SLC71A2: variants seen among roughly 807,000 people sequenced by gnomAD.
The protein encoded by SLC71A2 is hippocampus abundant transcript-like 1.
At chr9:94,432,837 C>A in the SLC71A2 span, 1 of 407,716 alleles carries the variant, frequency 2.5e-6, no homozygotes, top group South Asian at 2.2e-5. Flanking sequence ...GGCCAGAGGT[C>A]TTATAACTCC....
chr9:94,431,382 C>G, the SLC71A2 span, among the ~76,000 whole-genome samples: 2 of 151,160 alleles, frequency 1.3e-5, no homozygotes, highest in East Asian at 3.9e-4. Context: ...ATTTTCATAG[C>G]TCTTAAAAAA....
the SLC71A2 span, among the ~76,000 whole-genome samples, chr9:94,397,711 CTCA>C: frequency 6.6e-6 from 1 of 152,132 alleles, no homozygotes. Flanking sequence ...TTGAGGAGGA[CTCA>C]TCAAGTGTTT....
At chr9:94,415,081 A>ATTTTT in the SLC71A2 span, 2 of 1,124,592 alleles carry the variant, frequency 1.8e-6, no homozygotes, top group African/African-American at 3.2e-5. Flanking sequence ...ATTTTTACAC[A>ATTTTT]TTTTTTTCTA....
At chr9:94,387,311 A>G in the SLC71A2 span, among the ~76,000 whole-genome samples, 3 of 152,132 alleles carry the variant, frequency 2.0e-5, no homozygotes, top group South Asian at 6.2e-4. Flanking sequence ...AATATTGTTT[A>G]TATACAGTAT....
the SLC71A2 span, among the ~76,000 whole-genome samples, chr9:94,397,690 C>A: frequency 1.4e-4 from 22 of 152,212 alleles, no homozygotes; most frequent in African/African-American, 4.6e-4. Context: ...TTTCTGATGT[C>A]CTGGACAGTG....
the SLC71A2 span, among the ~76,000 whole-genome samples, chr9:94,404,565 G>A: frequency 5.4e-4 from 82 of 152,210 alleles, 2 homozygotes; most frequent in South Asian, 0.017. Context: ...CAAAGTGCTG[G>A]GATTACATAC....
At chr9:94,453,052 T>A in the SLC71A2 span, among the ~76,000 whole-genome samples, 10,424 of 152,206 alleles carry the variant, frequency 0.068, 455 homozygotes, top group Non-Finnish European at 0.1. Flanking sequence ...CGTTTATATT[T>A]TTGTTTTTGT....
chr9:94,449,836 T>C, the SLC71A2 span, among the ~76,000 whole-genome samples: 1 of 152,228 alleles, frequency 6.6e-6, no homozygotes, highest in Non-Finnish European at 1.5e-5. Context: ...AGCTAATGAA[T>C]GGATTAACAA....
chr9:94,450,538 G>A, the SLC71A2 span, among the ~76,000 whole-genome samples: 104 of 112,620 alleles, frequency 9.2e-4, 1 homozygote, highest in African/African-American at 3.4e-3. Context: ...CGCCCAGGCT[G>A]GAATACAGTG....
chr9:94,396,286 C>T, the SLC71A2 span, among the ~76,000 whole-genome samples: 719 of 151,674 alleles, frequency 4.7e-3, 5 homozygotes, highest in African/African-American at 0.017. Flanking sequence ...GAGGCCGAGG[C>T]AGACGGATTG....
chr9:94,444,794 T>C, the SLC71A2 span, among the ~76,000 whole-genome samples: 2 of 152,252 alleles, frequency 1.3e-5, no homozygotes, highest in Admixed American at 1.3e-4. Flanking sequence ...ACATTTCTTT[T>C]GTCTTACTTA....
the SLC71A2 span, among the ~76,000 whole-genome samples, chr9:94,438,124 G>A: frequency 6.6e-6 from 1 of 151,924 alleles, no homozygotes. Flanking sequence ...TTTTAGTAGA[G>A]ACGAGGTTTC....
chr9:94,381,761 A>AGCCT, the SLC71A2 span, among the ~76,000 whole-genome samples: 3 of 152,220 alleles, frequency 2.0e-5, no homozygotes, highest in African/African-American at 7.2e-5. Context: ...GCCTGAGCCC[A>AGCCT]GGGATTTGAG....
chr9:94,386,058 G>A, the SLC71A2 span, among the ~76,000 whole-genome samples: 1 of 151,962 alleles, frequency 6.6e-6, no homozygotes, highest in Non-Finnish European at 1.5e-5. Context: ...ACATTGAATA[G>A]TATTGATAGC....
the SLC71A2 span, among the ~76,000 whole-genome samples, chr9:94,452,649 A>C: frequency 1.6e-5 from 1 of 64,092 alleles, no homozygotes; most frequent in Non-Finnish European, 3.1e-5. Context: ...ATATATATTC[A>C]TATATATTCA....
the SLC71A2 span, among the ~76,000 whole-genome samples, chr9:94,394,390 G>T: frequency 1.1e-5 from 1 of 92,884 alleles, no homozygotes; most frequent in African/African-American, 2.9e-5. Flanking sequence ...CATTTGTTTG[G>T]TTTTTAAAAT....
the SLC71A2 span, chr9:94,440,913 G>T: frequency 2.4e-6 from 2 of 843,212 alleles, no homozygotes; most frequent in Non-Finnish European, 3.9e-6. Flanking sequence ...TTTACATGAT[G>T]TCTTTGGCTC....
At chr9:94,413,098 T>C in the SLC71A2 span, among the ~76,000 whole-genome samples, 1 of 151,518 alleles carries the variant, frequency 6.6e-6, no homozygotes, top group African/African-American at 2.4e-5. Flanking sequence ...TGGTGAAGAG[T>C]ATACTAGTAT....
chr9:94,450,247 C>A, the SLC71A2 span, among the ~76,000 whole-genome samples: 1 of 152,066 alleles, frequency 6.6e-6, no homozygotes, highest in Non-Finnish European at 1.5e-5. Flanking sequence ...TATATATTTA[C>A]AAATAAAGGC....
Sources: allele counts gnomAD v4.1 joint callset (sites outside exome capture counted in the v4.1 genomes callset), GRCh38; gene constraint gnomAD v4.1.1; transcripts MANE v1.5; gene names NCBI Gene and HGNC (gene_info 2026-07-23, HGNC 2026-07-21).